GNAQ: variants seen among roughly 807,000 people sequenced by gnomAD.
GNAQ encodes the protein G protein subunit alpha q.
Under a neutral mutation model 43.9 loss-of-function variants are expected in GNAQ, and 8 were observed. The observed-to-expected ratio is 0.18, with a 90% CI of 0.11 to 0.33. The LOEUF (loss-of-function observed/expected upper bound fraction) is 0.33. Ranked by LOEUF, GNAQ falls within the 10% of genes least tolerant of loss-of-function variation. The probability of loss-of-function intolerance (pLI) is 1.00; values close to 1 mark genes in which losing one functional copy is unlikely to be tolerated. For missense variants in GNAQ, 158 were observed against 450.8 expected (o/e 0.35, Z 5.88); for synonymous variants, 155 against 170.7 (o/e 0.91, Z 0.71).
chr9:77,727,056 A>G (rs1825406597), intron 6 of GNAQ, among the ~76,000 whole-genome samples: 1 of 151,608 alleles, frequency 6.6e-6, no homozygotes, highest in Non-Finnish European at 1.5e-5. Flanking sequence ...GCCATAAGGG[A>G]GAGATGTGAT....
At position 78,030,791 on chromosome 9, in the gene GNAQ, C is replaced by T. The variant is rs145534588; in HGVS notation, c.136+309G>A. On this transcript the variant is annotated intron_variant, in intron 1 of 6. Transcript: ENST00000286548. Reference sequence around the variant, plus strand: ...GGAGTGATCTGCCATTTAGCAGATGCACAGCAGATAAGGTACAGCCCTCAG... The same window carrying T: ...GGAGTGATCTGCCATTTAGCAGATGTACAGCAGATAAGGTACAGCCCTCAG... Among the ~76,000 whole-genome samples, 151 of 152,226 alleles carry T rather than the reference C, an allele frequency of 9.9e-4. 2 individuals are homozygous for T. The highest frequency in any genetic ancestry group is 3.4e-3 in the African/African-American group (143 of 41,536).
chr9:78,021,937 G>A (rs1436358498), intron 1 of GNAQ, among the ~76,000 whole-genome samples: 4 of 152,164 alleles, frequency 2.6e-5, no homozygotes, highest in South Asian at 2.1e-4. Flanking sequence ...CCAGGATATC[G>A]CCCTTCCTGC....
intron 2 of GNAQ, among the ~76,000 whole-genome samples, chr9:77,889,427 A>C (rs1828366080): frequency 6.8e-6 from 1 of 147,368 alleles, no homozygotes. Flanking sequence ...AAAAAAAAAA[A>C]AAAAAAAAAA....
At position 77,925,355 on chromosome 9, in the gene GNAQ, T is replaced by C. The variant is rs556077965; in HGVS notation, c.137-3010A>G. Among the ~76,000 whole-genome samples, 32 of 152,296 alleles carry C rather than the reference T, an allele frequency of 2.1e-4. No homozygotes were observed. In the South Asian group the frequency reaches 2.5e-3, roughly 12 times the overall value. Reference sequence around the variant, plus strand: ...TTTTCTATTCAGTAACTCATTCTCATGACACACTTCTGGAAGCCAATCATG... The same window carrying C: ...TTTTCTATTCAGTAACTCATTCTCACGACACACTTCTGGAAGCCAATCATG... On this transcript the variant is annotated intron_variant, in intron 1 of 6. Coordinates refer to ENST00000286548, the MANE Select transcript of GNAQ (RefSeq NM_002072.5).
chr9:77,956,468 A>C (rs894329206), intron 1 of GNAQ, among the ~76,000 whole-genome samples: 3 of 152,200 alleles, frequency 2.0e-5, no homozygotes, highest in African/African-American at 7.2e-5. Flanking sequence ...CCAGAAGACT[A>C]ATATTACCCT....
At chr9:77,862,268 G>A (rs1246897940) in intron 2 of GNAQ, among the ~76,000 whole-genome samples, 1 of 152,024 alleles carries the variant, frequency 6.6e-6, no homozygotes, top group African/African-American at 2.4e-5. Context: ...ACTCTGTGTG[G>A]GGGCTCTGAC....
intron 2 of GNAQ, among the ~76,000 whole-genome samples, chr9:77,906,918 C>T (rs1278145841): frequency 2.0e-5 from 3 of 152,276 alleles, no homozygotes; most frequent in South Asian, 2.1e-4. Flanking sequence ...TGTGAATATA[C>T]CATAAAATCC....
chr9:77,962,185 C>T (rs1217874062), intron 1 of GNAQ, among the ~76,000 whole-genome samples: 1 of 151,900 alleles, frequency 6.6e-6, no homozygotes, highest in Non-Finnish European at 1.5e-5. Context: ...GGAACAAAAT[C>T]GAGTTATCTA....
chr9:77,982,336 G>A (rs931016738), intron 1 of GNAQ, among the ~76,000 whole-genome samples: 5 of 152,132 alleles, frequency 3.3e-5, no homozygotes, highest in African/African-American at 1.2e-4. Flanking sequence ...CACTGATGTT[G>A]GCGAAGTAAA....
chr9:77,976,956 G>A (rs1823310324), intron 1 of GNAQ, among the ~76,000 whole-genome samples: 1 of 152,158 alleles, frequency 6.6e-6, no homozygotes, highest in Non-Finnish European at 1.5e-5. Flanking sequence ...AAAGGCATAT[G>A]ACTTTGCAAG....
At chr9:77,952,398 A>G (rs952122639) in intron 1 of GNAQ, among the ~76,000 whole-genome samples, 1 of 152,228 alleles carries the variant, frequency 6.6e-6, no homozygotes, top group Non-Finnish European at 1.5e-5. Flanking sequence ...TTTTATAAGA[A>G]GTTGTCACTT....
chr9:77,762,502 C>T lies in GNAQ; in HGVS notation c.735+31961G>A, dbSNP rs866442073. ...GGGGTCAGCCCCCCGCCTGGCCAGC[C>T]GCCCCACCTGGGAGGTGAGGGGCGC... On this transcript the variant is annotated intron_variant, in intron 5 of 6. Coordinates refer to ENST00000286548, the MANE Select transcript of GNAQ (RefSeq NM_002072.5). 1.5e-3 allele frequency among the ~76,000 whole-genome samples: 217 copies of T among 145,594 alleles called. 1 individual carries two copies. Among genetic ancestry groups the T allele is most frequent in the African/African-American group, 5.4e-3 (202 of 37,226 alleles).
intron 2 of GNAQ, among the ~76,000 whole-genome samples, chr9:77,829,819 T>C (rs1827267201): frequency 6.6e-6 from 1 of 152,150 alleles, no homozygotes; most frequent in African/African-American, 2.4e-5. Context: ...ACATTAAAGT[T>C]TGGAAAGTGC....
intron 5 of GNAQ, among the ~76,000 whole-genome samples, chr9:77,758,813 T>TAGTCTTTTCC (rs1375781807): frequency 3.9e-5 from 6 of 152,200 alleles, no homozygotes; most frequent in Admixed American, 6.5e-5. Flanking sequence ...TTGTTTTTTC[T>TAGTCTTTTCC]AGTCTTTTCC....
At chr9:77,732,189 C>A (rs993858313) in intron 5 of GNAQ, among the ~76,000 whole-genome samples, 1 of 152,060 alleles carries the variant, frequency 6.6e-6, no homozygotes, top group African/African-American at 2.4e-5. Flanking sequence ...CAGAGCATGA[C>A]GTTTCAAGAG....
intron 2 of GNAQ, among the ~76,000 whole-genome samples, chr9:77,860,518 A>G (rs964172031): frequency 8.5e-5 from 13 of 152,204 alleles, no homozygotes; most frequent in African/African-American, 3.1e-4. Flanking sequence ...TCAAATCATC[A>G]AGCATTAGTT....
intron 5 of GNAQ, among the ~76,000 whole-genome samples, chr9:77,776,571 T>C (rs1231698701): frequency 2.0e-5 from 3 of 152,152 alleles, no homozygotes; most frequent in Admixed American, 6.5e-5. Context: ...CACTGAACAA[T>C]AGAGCCCCAA....
chr9:77,987,645 T>C (rs7846810), intron 1 of GNAQ, among the ~76,000 whole-genome samples: 49,046 of 151,998 alleles, frequency 0.32, 8,226 homozygotes, highest in South Asian at 0.45. Context: ...TACCAGGTCC[T>C]GTTCTAGGTA....
At chr9:77,733,599 G>C (rs902005569) in intron 5 of GNAQ, among the ~76,000 whole-genome samples, 4 of 152,182 alleles carry the variant, frequency 2.6e-5, no homozygotes, top group Admixed American at 6.5e-5. Flanking sequence ...CATTGGACTT[G>C]CTCCTTCCTC....
Sources: allele counts gnomAD v4.1 joint callset (sites outside exome capture counted in the v4.1 genomes callset), GRCh38; gene constraint gnomAD v4.1.1; transcripts MANE v1.5; gene names NCBI Gene and HGNC (gene_info 2026-07-23, HGNC 2026-07-21).